OPA3: variants seen among roughly 807,000 people sequenced by gnomAD.
OPA3 encodes the protein outer mitochondrial membrane lipid metabolism regulator OPA3, also known as optic atrophy 3 protein.
Under a neutral mutation model 4.0 loss-of-function variants are expected in OPA3, and 6 were observed. That is an observed-to-expected ratio of 1.51 (90% CI 0.83 to 2.99). The LOEUF (loss-of-function observed/expected upper bound fraction) is 2.99, where lower values mean the gene tolerates loss of function less well. Among genes scored for constraint, OPA3 ranks in the 30% most tolerant of loss-of-function variants. The probability of loss-of-function intolerance (pLI) is 0.00; values close to 1 mark genes in which losing one functional copy is unlikely to be tolerated. For missense variants in OPA3, 235 were observed against 256.2 expected (o/e 0.92, Z 0.56); for synonymous variants, 105 against 117.1 (o/e 0.90, Z 0.67).
downstream of OPA3, among the ~76,000 whole-genome samples, chr19:45,541,563 A>G (rs537783969): frequency 3.4e-4 from 52 of 152,094 alleles, no homozygotes; most frequent in Admixed American, 2.6e-4. Context: ...AACAAAATAA[A>G]TAAGAGAAAT....
rs1233254978 is a variant in OPA3 at position 45,580,040 on chromosome 19, A to G, written c.142+4583T>C. Among the ~76,000 whole-genome samples the G allele has an allele frequency of 2.9e-5, 4 of 139,940 alleles. No individual in the cohort carries two copies. In the Admixed American group the frequency reaches 3.2e-4, roughly 11 times the overall value. 91.8% of individuals were successfully genotyped at this position (139,940 alleles called of 152,430 possible). The stretch of plus-strand genomic sequence containing the variant: ...GATATGGAGTCTCGCTCTGTCACCC[A>G]GGCTGGAGTGTAGTGGCACGATCTC... On this transcript the variant is annotated intron_variant, in intron 1 of 1. Coordinates refer to ENST00000263275, the MANE Select transcript of OPA3 (RefSeq NM_025136.4).
intron 1 of OPA3, among the ~76,000 whole-genome samples, chr19:45,563,618 G>A (rs1276606088): frequency 1.3e-5 from 2 of 151,676 alleles, no homozygotes; most frequent in African/African-American, 4.8e-5. Context: ...TACAGTAGCA[G>A]GATCATGGCT....
chr19:45,580,060 G>A (rs560641768), intron 1 of OPA3, among the ~76,000 whole-genome samples: 7 of 148,148 alleles, frequency 4.7e-5, no homozygotes, highest in African/African-American at 1.2e-4. Flanking sequence ...GTAGTGGCAC[G>A]ATCTCGGCTC....
chr19:45,569,914 T>C (rs1969636356), intron 1 of OPA3, among the ~76,000 whole-genome samples: 1 of 152,200 alleles, frequency 6.6e-6, no homozygotes, highest in South Asian at 2.1e-4. Context: ...CAGGGCTTAC[T>C]GAAAAGCCAG....
chr19:45,529,234 A>G (rs771753477), exon 2 of OPA3: 6 of 1,613,090 alleles, frequency 3.7e-6, no homozygotes, highest in Non-Finnish European at 4.2e-6. Flanking sequence ...CTCGCCCCGC[A>G]GCGCCTCCCT....
At chr19:45,562,159 C>T (rs1969511967) in intron 1 of OPA3, among the ~76,000 whole-genome samples, 1 of 151,104 alleles carries the variant, frequency 6.6e-6, no homozygotes. Flanking sequence ...ACCAGCCTGG[C>T]CAACATGGCA....
chr19:45,570,037 T>C (rs562419965), intron 1 of OPA3, among the ~76,000 whole-genome samples: 8 of 152,338 alleles, frequency 5.3e-5, no homozygotes, highest in Non-Finnish European at 1.2e-4. Context: ...ATGACCGAGA[T>C]GGCCTCTGGT....
At chr19:45,535,899 G>C (rs1002234746) in intron 1 of OPA3, among the ~76,000 whole-genome samples, 5 of 151,266 alleles carry the variant, frequency 3.3e-5, no homozygotes, top group African/African-American at 4.9e-5. Context: ...TGAGTAGCTG[G>C]GACTAAAGGT....
In OPA3 at chr19:45,546,546, G is replaced by A. The variant is rs184867350; in HGVS notation, c.*6968C>T. 9 of 334,452 alleles carry A rather than the reference G, an allele frequency of 2.7e-5. No individual in the cohort carries two copies. The East Asian group carries it at 1.2e-3, about 45-fold the overall frequency. 20.7% of individuals were successfully genotyped at this position (334,452 alleles called of 1,614,324 possible). A position where few individuals can be genotyped will look rare whatever the true frequency, so the allele number is the denominator to read the frequency against. On this transcript the variant is annotated 3_prime_UTR_variant, in exon 2 of 2. Transcript: ENST00000263275. ...GGTCTCACTTTGTCTCCCAGGTTGA[G>A]GTGCTGTGGCCTGATCTCAGTTCAC...
chr19:45,532,917 G>T (rs1969074858), intron 1 of OPA3, among the ~76,000 whole-genome samples: 1 of 151,964 alleles, frequency 6.6e-6, no homozygotes, highest in Non-Finnish European at 1.5e-5. Flanking sequence ...TTGAGATGGA[G>T]TTTTGCTCTT....
intron 1 of OPA3, among the ~76,000 whole-genome samples, chr19:45,572,586 A>AAT (rs1321753037): frequency 2.2e-5 from 3 of 135,644 alleles, no homozygotes; most frequent in Non-Finnish European, 4.6e-5. Context: ...TATGTATATA[A>AAT]ATATATATAT....
intron 1 of OPA3, chr19:45,584,249 A>G (rs10409728): frequency 0.38 from 287,977 of 757,906 alleles, 60,048 homozygotes; most frequent in African/African-American, 0.78. Context: ...GCCCAAGGAC[A>G]GCCGGGCAAA....
intron 1 of OPA3, among the ~76,000 whole-genome samples, chr19:45,584,067 TC>T (rs1321676220): frequency 6.6e-6 from 1 of 152,110 alleles, no homozygotes; most frequent in Non-Finnish European, 1.5e-5. Flanking sequence ...TTTTCCGGAT[TC>T]CCAGGCCATG....
chr19:45,548,348 A>C lies in OPA3; in HGVS notation c.*5166T>G. ...TGGCCTGCCCTACAGAGAAACCAACAAGAGGGACAGCAGGGCCTGCCAGGA... is the reference window on the plus strand; with the variant it reads ...TGGCCTGCCCTACAGAGAAACCAACCAGAGGGACAGCAGGGCCTGCCAGGA... On this transcript the variant is annotated 3_prime_UTR_variant, in exon 2 of 2. Coordinates refer to ENST00000263275, the MANE Select transcript of OPA3 (RefSeq NM_025136.4). 3 of 985,510 alleles carry C rather than the reference A, an allele frequency of 3.0e-6. No individual in the cohort carries two copies. The highest frequency in any genetic ancestry group is 3.6e-6 in the Non-Finnish European group (3 of 830,000). 61.0% of individuals were successfully genotyped at this position (985,510 alleles called of 1,614,324 possible). A position where few individuals can be genotyped will look rare whatever the true frequency, so the allele number is the denominator to read the frequency against.
In OPA3 at chr19:45,553,329, A is replaced by G; in HGVS notation, c.*185T>C. Reference sequence around the variant, plus strand: ...AGGATGATGGAGGGGGCTATGTTGCAACGCTTCACCTGCTGGTCCCAGTGG... The same window carrying G: ...AGGATGATGGAGGGGGCTATGTTGCGACGCTTCACCTGCTGGTCCCAGTGG... On this transcript the variant is annotated 3_prime_UTR_variant, in exon 2 of 2. Coordinates refer to ENST00000263275, the MANE Select transcript of OPA3 (RefSeq NM_025136.4). The G allele has an allele frequency of 4.1e-6, 6 of 1,474,512 alleles. No homozygotes were observed. The highest frequency in any genetic ancestry group is 5.4e-6 in the Non-Finnish European group (6 of 1,115,366). The allele number at this position is 1,474,512 out of a possible 1,614,324, so 91.3% of individuals were successfully genotyped here.
rs530521545 is a variant in OPA3 at position 45,552,821 on chromosome 19, G to A, written c.*693C>T. The A allele has an allele frequency of 2.6e-4, 47 of 183,244 alleles. No homozygotes were observed. The highest frequency in any genetic ancestry group is 2.0e-3 in the South Asian group (11 of 5,400). 11.4% of individuals were successfully genotyped at this position (183,244 alleles called of 1,614,324 possible). On this transcript the variant is annotated 3_prime_UTR_variant, in exon 2 of 2. Transcript: ENST00000263275. ...CTCCCGAGTAGCTGGGATTACAAGCGCACCCCACCACACCCGGCTAATTTT... is the reference window on the plus strand; with the variant it reads ...CTCCCGAGTAGCTGGGATTACAAGCACACCCCACCACACCCGGCTAATTTT...
intron 1 of OPA3, chr19:45,529,573 G>C (rs1450409164): frequency 7.1e-5 from 93 of 1,311,712 alleles, no homozygotes; most frequent in Non-Finnish European, 5.3e-5. Context: ...ACAATCGGAC[G>C]CGTGCTGGCG....
chr19:45,529,112 G>C (rs895744907), exon 2 of OPA3: 2 of 1,604,850 alleles, frequency 1.2e-6, no homozygotes, highest in African/African-American at 1.3e-5. Context: ...CGGAGGCAGA[G>C]GTGGGCTCGC....
intron 1 of OPA3, among the ~76,000 whole-genome samples, chr19:45,561,026 T>C (rs1338813105): frequency 6.6e-6 from 1 of 152,022 alleles, no homozygotes; most frequent in Non-Finnish European, 1.5e-5. Flanking sequence ...GGACCGGGGC[T>C]CGGGAGCTTA....
Sources: gnomAD v4.1 joint callset for allele counts (sites outside exome capture counted in the v4.1 genomes callset) on GRCh38, gnomAD v4.1.1 for gene constraint, MANE v1.5 for transcripts, NCBI Gene and HGNC (gene_info 2026-07-23, HGNC 2026-07-21) for gene names.